Variants in ELP2 observed in about 807,000 individuals in gnomAD.
ELP2 encodes the protein elongator complex protein 2.
In ELP2, 90 loss-of-function variants were observed where a neutral mutation model predicts 119.2. That is an observed-to-expected ratio of 0.75 (90% CI 0.64 to 0.90). The LOEUF (loss-of-function observed/expected upper bound fraction) is 0.90, where lower values mean the gene tolerates loss of function less well. ELP2 is among the 40% of genes least tolerant of loss of function. The probability of loss-of-function intolerance (pLI) is 0.00; values close to 1 mark genes in which losing one functional copy is unlikely to be tolerated. For missense variants in ELP2, 921 were observed against 967.8 expected (o/e 0.95, Z 0.64); for synonymous variants, 339 against 331.0 (o/e 1.02, Z -0.26).
intron 13 of ELP2, 62 bp from the exon 14 acceptor site, chr18:36,158,773 T>C: frequency 8.1e-7 from 1 of 1,233,260 alleles, no homozygotes; most frequent in Non-Finnish European, 1.2e-6. Flanking sequence ...TAACTTTTAG[T>C]TTTAAAATTA....
intron 13 of ELP2, 90 bp downstream of exon 13, chr18:36,156,744 T>C: frequency 1.7e-6 from 2 of 1,158,090 alleles, no homozygotes; most frequent in South Asian, 1.3e-5. Flanking sequence ...ATGGAATATA[T>C]GGGTAGAAAG....
chr18:36,155,376 T>A (rs965967258), intron 12 of ELP2, among the ~76,000 whole-genome samples: 1 of 148,074 alleles, frequency 6.8e-6, no homozygotes, highest in African/African-American at 2.5e-5. Context: ...ACAAGAAAAG[T>A]AGGGCAGCCA....
At chr18:36,149,908 A>G (rs1785910) in intron 11 of ELP2, among the ~76,000 whole-genome samples, 54,928 of 151,848 alleles carry the variant, frequency 0.36, 10,033 homozygotes, top group Middle Eastern at 0.44. Flanking sequence ...AGATATCTCT[A>G]CCCATTGTTG....
intron 1 of ELP2, among the ~76,000 whole-genome samples, chr18:36,131,930 C>CTTTTTTT (rs5823996): frequency 2.5e-5 from 2 of 79,870 alleles, no homozygotes; most frequent in Non-Finnish European, 2.2e-5. Context: ...GCTGGTCGGG[C>CTTTTTTT]TTTTTTTTTT....
chr18:36,133,278 G>T lies in ELP2; in HGVS notation c.179G>T (p.Arg60Leu), dbSNP rs570228898. 11 of 1,613,826 alleles carry T rather than the reference G, an allele frequency of 6.8e-6. No individual in the cohort carries two copies. The African/African-American group carries it at 1.3e-4, about 20-fold the overall frequency. Residue 60 changes from arginine to leucine, a missense_variant, in exon 2 of 22, where the codon CGA becomes CTA. By Grantham distance (102) the Arg-to-Leu change is moderately radical. Coordinates refer to ENST00000358232, the MANE Select transcript of ELP2 (RefSeq NM_018255.4). Reference sequence around the variant, plus strand: ...ACCAACTTGAATGGTCACACCGCCCGAGTCAATTGCATACAGTGGATTTGT... The same window carrying T: ...ACCAACTTGAATGGTCACACCGCCCTAGTCAATTGCATACAGTGGATTTGT... ...VVTNLNGHTA[R>L]VNCIQWICKQ...
At position 36,161,016 on chromosome 18, in the gene ELP2, T is replaced by C. The variant is rs944419616; in HGVS notation, c.1761+12T>C. On this transcript the variant is annotated intron_variant, in intron 17 of 21. Coordinates refer to ENST00000358232, the MANE Select transcript of ELP2 (RefSeq NM_018255.4). Reference sequence around the variant, plus strand: ...CCTCAGCTTGTAAGGTAGGGAAGTTTACTTTTGATTCTGCTTGGTCACAGG... The same window carrying C: ...CCTCAGCTTGTAAGGTAGGGAAGTTCACTTTTGATTCTGCTTGGTCACAGG... 1.2e-6 allele frequency: 2 copies of C among 1,604,840 alleles called. No homozygotes were observed. Among genetic ancestry groups the C allele is most frequent in the Non-Finnish European group, 8.5e-7 (1 of 1,171,718 alleles).
At chr18:36,166,411 G>A (rs1339365148) in intron 18 of ELP2, among the ~76,000 whole-genome samples, 1 of 127,336 alleles carries the variant, frequency 7.9e-6, no homozygotes, top group East Asian at 2.8e-4. Context: ...GCTCACTGCA[G>A]CCTCCGCCTC....
rs200299733 is a variant in ELP2, at chr18:36,171,020, A to G, written c.2211-27A>G. 1.6e-4 allele frequency: 238 copies of G among 1,448,068 alleles called. No homozygotes were observed. In the African/African-American group the frequency reaches 1.9e-3, roughly 12 times the overall value. The allele number at this position is 1,448,068 out of a possible 1,614,324, so 89.7% of individuals were successfully genotyped here. On this transcript the variant is annotated intron_variant, in intron 20 of 21. Coordinates refer to ENST00000358232, the MANE Select transcript of ELP2 (RefSeq NM_018255.4). ...ATAACAATTTCATGCTAAGTTAATC[A>G]CTGTTGTCCCCCTCCCTTAAAAACA...
Position 36,138,344 on chromosome 18 carries a change from A to G in ELP2, c.363A>G (p.Thr121=), listed in dbSNP as rs2089905625. The G allele has an allele frequency of 6.2e-7, 1 of 1,614,196 alleles. No individual in the cohort carries two copies. The highest frequency in any genetic ancestry group is 2.2e-5 in the East Asian group (1 of 44,880). The stretch of plus-strand genomic sequence containing the variant: ...TGCATGCTGTTTACCAGAGGAGGAC[A>G]TCAGATCCTGCATTATGTACACTGA... ...YAVHAVYQRR[T]SDPALCTLIV... The change falls in exon 4 of 22, where the codon ACA becomes ACG. Residue 121 remains threonine (T), a synonymous_variant. Transcript: ENST00000358232.
rs768148154 is a variant in ELP2 at position 36,142,868 on chromosome 18, T to G, written c.698T>G (p.Ile233Arg). Residue 233 changes from isoleucine (I) to arginine (R), a missense_variant, in exon 8 of 22, where the codon ATA (isoleucine) becomes AGA (arginine). Transcript: ENST00000358232. ...FLASCSQDCL[I>R]RIWKLYIKST... ...GCAAGCTGTTCACAAGATTGCCTGA[T>G]AAGAATATGGAAGCTGTATATAAAG... 1.2e-6 allele frequency: 2 copies of G among 1,606,948 alleles called. No individual in the cohort carries two copies.
chr18:36,131,224 T>C (rs1359219073), intron 1 of ELP2, among the ~76,000 whole-genome samples: 1 of 152,230 alleles, frequency 6.6e-6, no homozygotes, highest in East Asian at 1.9e-4. Flanking sequence ...ATATATGAAA[T>C]ATTTGTAACC....
chr18:36,147,674 C>T lies in ELP2; in HGVS notation c.1125+1293C>T, dbSNP rs566158798. 1.5e-3 allele frequency among the ~76,000 whole-genome samples: 226 copies of T among 152,224 alleles called. 1 individual carries two copies. The highest frequency in any genetic ancestry group is 2.3e-3 in the Admixed American group (35 of 15,292). On this transcript the variant is annotated intron_variant, in intron 11 of 21. Transcript: ENST00000358232. The stretch of plus-strand genomic sequence containing the variant: ...GGTGATTCTGCCCCTCCCCCCGCCT[C>T]AGCCTCCCAAAGTGCTGGGATTACA...
intron 21 of ELP2, 111 bp from the exon 22 acceptor site, chr18:36,174,374 T>G: frequency 1.9e-6 from 2 of 1,057,134 alleles, no homozygotes; most frequent in South Asian, 3.0e-5. Flanking sequence ...GCTAAAATGT[T>G]AATGATGCGA....
At chr18:36,150,909 T>G (rs1000238147) in intron 11 of ELP2, among the ~76,000 whole-genome samples, 1 of 152,104 alleles carries the variant, frequency 6.6e-6, no homozygotes, top group Non-Finnish European at 1.5e-5. Context: ...TTTTATGTTC[T>G]GTTTTCAGGA....
chr18:36,133,904 T>G (rs1181092406), intron 2 of ELP2, among the ~76,000 whole-genome samples: 2 of 67,974 alleles, frequency 2.9e-5, no homozygotes, highest in Admixed American at 1.7e-4. Context: ...GGGGTTTTTT[T>G]TTTTTTTTTT....
At position 36,136,184 on chromosome 18, in the gene ELP2, T is replaced by C. The variant is rs1598738062; in HGVS notation, c.218-123T>C. On this transcript the variant is annotated intron_variant, in intron 2 of 21. Coordinates refer to ENST00000358232, the MANE Select transcript of ELP2 (RefSeq NM_018255.4). ...GAGATATTAAGCAAATATGGCAAAA[T>C]GTTACCAGTTTGTGAATCTAGGTAG... The C allele has an allele frequency of 1.2e-5, 9 of 723,368 alleles. No homozygotes were observed. In the East Asian group the frequency reaches 2.4e-4, roughly 19 times the overall value. 44.8% of individuals were successfully genotyped at this position (723,368 alleles called of 1,614,324 possible). A position where few individuals can be genotyped will look rare whatever the true frequency, so the allele number is the denominator to read the frequency against.
intron 18 of ELP2, among the ~76,000 whole-genome samples, chr18:36,166,547 G>A (rs2090914690): frequency 6.6e-6 from 1 of 151,804 alleles, no homozygotes; most frequent in Non-Finnish European, 1.5e-5. Flanking sequence ...GGGCAGGCTG[G>A]TCTTGAACTC....
chr18:36,142,762 A>G, intron 7 of ELP2, 64 bp from the exon 8 acceptor site: 1 of 1,117,146 alleles, frequency 9.0e-7, no homozygotes, highest in South Asian at 1.4e-5. Flanking sequence ...ATAGACAAAA[A>G]AGTCTTATAC....
intron 17 of ELP2, among the ~76,000 whole-genome samples, chr18:36,163,302 ACAC>A (rs1465215306): frequency 4.3e-5 from 1 of 23,322 alleles, no homozygotes; most frequent in Non-Finnish European, 1.3e-4. Flanking sequence ...GTGTGTGTAT[ACAC>A]CACATTTTAA....
Sources: allele counts gnomAD v4.1 joint callset (sites outside exome capture counted in the v4.1 genomes callset), GRCh38; gene constraint gnomAD v4.1.1; transcripts MANE v1.5; gene names NCBI Gene and HGNC (gene_info 2026-07-23, HGNC 2026-07-21).